The following OPRM1 variants were observed in gnomAD, a reference collection of about 807,000 sequenced individuals.
OPRM1 encodes the protein mu-type opioid receptor.
Under a neutral mutation model 31.8 loss-of-function variants are expected in OPRM1, and 27 were observed. The ratio of observed to expected loss-of-function variants is 0.85; its 90% CI spans 0.63 to 1.17. The LOEUF is 1.17. Among genes scored for constraint, OPRM1 ranks in the 50% most tolerant of loss-of-function variants. The pLI is 0.00. For synonymous variants in OPRM1, 196 were observed against 189.9 expected (o/e 1.03, Z -0.26); for missense variants, 536 against 511.1 (o/e 1.05, Z -0.47).
At chr6:154,214,130 T>C in intron 3 of OPRM1, 1 of 864,354 alleles carries the variant, frequency 1.2e-6, no homozygotes, top group Non-Finnish European at 2.0e-6. Flanking sequence ...GATCAGACTA[T>C]ACATAGAACT....
At chr6:154,106,785 T>G (rs1795642851) in intron 3 of OPRM1, among the ~76,000 whole-genome samples, 1 of 152,208 alleles carries the variant, frequency 6.6e-6, no homozygotes. Flanking sequence ...TATCTAGAAT[T>G]TAATGGCTTT....
intron 3 of OPRM1, among the ~76,000 whole-genome samples, chr6:154,144,527 AC>A (rs1474703601): frequency 6.6e-6 from 1 of 152,104 alleles, no homozygotes; most frequent in Non-Finnish European, 1.5e-5. Flanking sequence ...CAGGTGGATC[AC>A]CCGAGGTCAG....
At chr6:154,227,342 G>A (rs559184271) in intron 3 of OPRM1, among the ~76,000 whole-genome samples, 12 of 152,072 alleles carry the variant, frequency 7.9e-5, no homozygotes, top group African/African-American at 2.4e-4. Context: ...ACAATAAATC[G>A]ATCTCAAATG....
intron 3 of OPRM1, among the ~76,000 whole-genome samples, chr6:154,100,295 A>ATATTATTATAT (rs1210734649): frequency 2.7e-5 from 4 of 149,706 alleles, no homozygotes; most frequent in Non-Finnish European, 3.0e-5. Flanking sequence ...ATCATAATAT[A>ATATTATTATAT]TATCAAAAAG....
chr6:154,083,695 C>G (rs545850834), intron 1 of OPRM1: 81 of 152,552 alleles, frequency 5.3e-4, no homozygotes, highest in African/African-American at 1.9e-3. Flanking sequence ...GTAATCCTGG[C>G]ACTTTGGGAG....
At chr6:154,047,303 G>A (rs1019422075) in intron 1 of OPRM1, among the ~76,000 whole-genome samples, 1 of 151,544 alleles carries the variant, frequency 6.6e-6, no homozygotes, top group African/African-American at 2.4e-5. Flanking sequence ...GCTGTTTTGT[G>A]TACCTGAGGG....
At chr6:154,052,251 A>C (rs921161064) in intron 1 of OPRM1, among the ~76,000 whole-genome samples, 3 of 151,852 alleles carry the variant, frequency 2.0e-5, no homozygotes, top group African/African-American at 7.2e-5. Context: ...CCTAGATGAC[A>C]ATTGATAGGT....
At chr6:154,234,460 G>C (rs1460676508) in intron 3 of OPRM1, among the ~76,000 whole-genome samples, 1 of 152,168 alleles carries the variant, frequency 6.6e-6, no homozygotes, top group Non-Finnish European at 1.5e-5. Context: ...TCAAGAATCT[G>C]CTTCTGGGAA....
chr6:154,235,400 C>T lies in OPRM1; in HGVS notation c.1165-11293C>T, dbSNP rs549280679. Reference sequence around the variant, plus strand: ...ACAAAAAATTAGCTGGGTGTGGTGGCGGGTGCCTGTAGTCCCAGCTACTCG... The same window carrying T: ...ACAAAAAATTAGCTGGGTGTGGTGGTGGGTGCCTGTAGTCCCAGCTACTCG... On this transcript the variant is annotated intron_variant, in intron 3 of 3. Transcript: ENST00000337049. Among the ~76,000 whole-genome samples the T allele has an allele frequency of 5.2e-3, 796 of 151,904 alleles. 2 individuals carry two copies. The highest frequency in any genetic ancestry group is 0.017 in the African/African-American group (703 of 41,410).
intron 3 of OPRM1, among the ~76,000 whole-genome samples, chr6:154,200,595 C>T (rs536572621): frequency 7.9e-5 from 12 of 152,144 alleles, no homozygotes; most frequent in African/African-American, 2.9e-4. Flanking sequence ...GTGGCGCGCA[C>T]CTGTAGTCCC....
chr6:154,062,621 C>A (rs1382665786), intron 1 of OPRM1, among the ~76,000 whole-genome samples: 1 of 151,970 alleles, frequency 6.6e-6, no homozygotes, highest in African/African-American at 2.4e-5. Flanking sequence ...CTCAAGTCAG[C>A]ATGATTGTTA....
At chr6:154,190,211 G>A (rs898567250) in intron 3 of OPRM1, among the ~76,000 whole-genome samples, 4 of 151,932 alleles carry the variant, frequency 2.6e-5, no homozygotes, top group South Asian at 2.1e-4. Context: ...ATAAAATGAC[G>A]TTTCACATTA....
In OPRM1 at chr6:154,070,028, G is replaced by T. The variant is rs1277430214; in HGVS notation, c.291-19798G>T. On this transcript the variant is annotated intron_variant, in intron 1 of 3. Transcript: ENST00000330432. ...GGAAGTTGCTTCAGCTATAGGGAAAGAAATTTGTAATATTCGGAGGTGAGG... is the reference window on the plus strand; with the variant it reads ...GGAAGTTGCTTCAGCTATAGGGAAATAAATTTGTAATATTCGGAGGTGAGG... Among the ~76,000 whole-genome samples, 5 of 152,192 alleles carry T rather than the reference G, an allele frequency of 3.3e-5. No individual in the cohort carries two copies. The East Asian group carries it at 5.8e-4, about 18-fold the overall frequency.
At chr6:154,042,704 G>A (rs192126999) in intron 1 of OPRM1, among the ~76,000 whole-genome samples, 1 of 152,248 alleles carries the variant, frequency 6.6e-6, no homozygotes, top group East Asian at 1.9e-4. Flanking sequence ...AGGGAGGAAA[G>A]GAGAAACTGT....
At chr6:154,183,657 T>C (rs991712925) in intron 3 of OPRM1, among the ~76,000 whole-genome samples, 2 of 152,090 alleles carry the variant, frequency 1.3e-5, no homozygotes, top group African/African-American at 2.4e-5. Flanking sequence ...CCAGGACTTT[T>C]TGAGGCCGAG....
chr6:154,090,638 T>C (rs931479917), intron 2 of OPRM1, among the ~76,000 whole-genome samples: 41 of 152,238 alleles, frequency 2.7e-4, no homozygotes, highest in Admixed American at 2.0e-4. Flanking sequence ...TGGACAATTA[T>C]TACATTTTTT....
chr6:154,136,233 T>G (rs1583645700), downstream of OPRM1, among the ~76,000 whole-genome samples: 3 of 152,246 alleles, frequency 2.0e-5, 1 homozygote, highest in South Asian at 4.1e-4. Flanking sequence ...CTGTCACTAG[T>G]TCTGTTTTCT....
chr6:154,050,260 G>T (rs1781930270), intron 1 of OPRM1, among the ~76,000 whole-genome samples: 1 of 152,106 alleles, frequency 6.6e-6, no homozygotes, highest in African/African-American at 2.4e-5. Flanking sequence ...CAAAACAAAG[G>T]AAGTTAGTAT....
intron 3 of OPRM1, among the ~76,000 whole-genome samples, chr6:154,243,489 C>T (rs760877891): frequency 6.6e-6 from 1 of 152,160 alleles, no homozygotes; most frequent in Non-Finnish European, 1.5e-5. Flanking sequence ...CATTGGGTAA[C>T]TGGGTAGCAA....
Sources: gnomAD v4.1 joint callset for allele counts (sites outside exome capture counted in the v4.1 genomes callset) on GRCh38, gnomAD v4.1.1 for gene constraint, MANE v1.5 for transcripts, NCBI Gene and HGNC (gene_info 2026-07-23, HGNC 2026-07-21) for gene names.